FASTKD1: variants seen among roughly 807,000 people sequenced by gnomAD.
The protein encoded by FASTKD1 is FAST kinase domain-containing protein 1, mitochondrial.
A neutral mutation model predicts 90.9 loss-of-function variants in FASTKD1; 94 were observed. That is an observed-to-expected ratio of 1.03 (90% CI 0.88 to 1.23). The LOEUF (loss-of-function observed/expected upper bound fraction) is 1.23. Among genes scored for constraint, FASTKD1 ranks in the 50% most tolerant of loss-of-function variants. The pLI is 0.00. For synonymous variants in FASTKD1, 319 were observed against 345.8 expected (o/e 0.92, Z 0.86); for missense variants, 945 against 993.5 (o/e 0.95, Z 0.66).
Position 169,560,281 on chromosome 2 carries a change from A to G in FASTKD1, c.971+106T>C, listed in dbSNP as rs557753912. On this transcript the variant is annotated intron_variant, in intron 5 of 14. Transcript: ENST00000453153. ...ATAAGAGATTATTTTCCCTTCCACA[A>G]CCTAATAGGGTGATATTTGTACCTT... The G allele has an allele frequency of 3.9e-5, 32 of 816,204 alleles. No individual in the cohort carries two copies. The East Asian group carries it at 7.8e-4, about 20-fold the overall frequency. 50.6% of individuals were successfully genotyped at this position (816,204 alleles called of 1,614,324 possible).
intron 3 of FASTKD1, among the ~76,000 whole-genome samples, chr2:169,566,544 T>C (rs2105434284): frequency 6.6e-6 from 1 of 152,116 alleles, no homozygotes; most frequent in South Asian, 2.1e-4. Context: ...AAATCCCATC[T>C]CTACTAAAAA....
At chr2:169,549,300 G>A (rs566208605) in intron 7 of FASTKD1, among the ~76,000 whole-genome samples, 208 of 151,950 alleles carry the variant, frequency 1.4e-3, no homozygotes, top group Middle Eastern at 3.4e-3. Flanking sequence ...CTACTCGGGC[G>A]GCTGAGGCAG....
Position 169,540,117 on chromosome 2 carries a change from G to A in FASTKD1, c.1879C>T (p.Pro627Ser), listed in dbSNP as rs769922497. 5.6e-6 allele frequency: 9 copies of A among 1,609,606 alleles called. No homozygotes were observed. Among genetic ancestry groups the A allele is most frequent in the Non-Finnish European group, 6.8e-6 (8 of 1,177,632 alleles). ...AAAATTGCCTTTAGCAGATCTTCTG[G>A]AAAATATTCAAGTGTGGCCAAAGAG... ...GFSLATLEYF[P>S]EDLLKAIFNI... Residue 627 changes from proline to serine, a missense_variant, in exon 10 of 15, where the codon CCA becomes TCA. Physicochemically the swap from Pro to Ser is moderately conservative, Grantham distance 74 (BLOSUM62 -1). Transcript: ENST00000453153.
intron 2 of FASTKD1, 26 bp from the exon 3 acceptor site, chr2:169,569,278 A>T (rs1417344790): frequency 1.3e-6 from 2 of 1,597,198 alleles, no homozygotes; most frequent in Non-Finnish European, 1.7e-6. Context: ...AGAATCCTCC[A>T]TACATAATCA....
chr2:169,564,952 C>CTTTTTTTTTTTTTTTTTTTTTTTTTTTT (rs557658819), intron 3 of FASTKD1, among the ~76,000 whole-genome samples: 1 of 109,014 alleles, frequency 9.2e-6, no homozygotes, highest in African/African-American at 3.2e-5. Context: ...CCACATTTTT[C>CTTTTTTTTTTTTTTTTTTTTTTTTTTTT]TTTTTTTTTT....
At chr2:169,564,952 C>CTTT (rs557658819) in intron 3 of FASTKD1, among the ~76,000 whole-genome samples, 7 of 109,010 alleles carry the variant, frequency 6.4e-5, no homozygotes, top group African/African-American at 6.4e-5. Context: ...CCACATTTTT[C>CTTT]TTTTTTTTTT....
At chr2:169,545,105 C>T (rs1253195086) in intron 8 of FASTKD1, among the ~76,000 whole-genome samples, 1 of 152,112 alleles carries the variant, frequency 6.6e-6, no homozygotes, top group Non-Finnish European at 1.5e-5. Context: ...TCTGTTCTGG[C>T]TGGGAGTGGT....
At chr2:169,569,610 G>A (rs1684142546) in intron 2 of FASTKD1, among the ~76,000 whole-genome samples, 1 of 152,156 alleles carries the variant, frequency 6.6e-6, no homozygotes, top group South Asian at 2.1e-4. Flanking sequence ...CAGCACTTTA[G>A]CAGGCTGAGG....
intron 8 of FASTKD1, among the ~76,000 whole-genome samples, chr2:169,545,452 G>A (rs1685149447): frequency 1.3e-5 from 2 of 151,994 alleles, no homozygotes; most frequent in South Asian, 4.1e-4. Flanking sequence ...ACTATACTAA[G>A]CAAGTTAAGA....
At chr2:169,564,208 C>G (rs896002064) in intron 3 of FASTKD1, among the ~76,000 whole-genome samples, 1 of 151,948 alleles carries the variant, frequency 6.6e-6, no homozygotes, top group Non-Finnish European at 1.5e-5. Context: ...TAATTGTGAA[C>G]CTTACTCAGA....
Position 169,541,660 on chromosome 2 carries a change from A to C in FASTKD1, c.1817-1481T>G, listed in dbSNP as rs144430017. Among the ~76,000 whole-genome samples the C allele has an allele frequency of 2.0e-5, 3 of 152,348 alleles. No homozygotes were observed. The East Asian group carries it at 5.8e-4, about 29-fold the overall frequency. On this transcript the variant is annotated intron_variant, in intron 9 of 14. Coordinates refer to ENST00000453153, the MANE Select transcript of FASTKD1 (RefSeq NM_024622.6). ...CAATTAATATATTTATACTTGCTTCATACCAGCTTCACCAGAGGTCTAAAG... is the reference window on the plus strand; with the variant it reads ...CAATTAATATATTTATACTTGCTTCCTACCAGCTTCACCAGAGGTCTAAAG...
chr2:169,568,723 G>A (rs1231874657), intron 3 of FASTKD1, among the ~76,000 whole-genome samples: 1 of 151,352 alleles, frequency 6.6e-6, no homozygotes, highest in Non-Finnish European at 1.5e-5. Context: ...AGACATGGCT[G>A]GGAGCGGTGG....
At chr2:169,540,025 A>T in intron 10 of FASTKD1, 26 bp downstream of exon 10, 1 of 1,401,662 alleles carries the variant, frequency 7.1e-7, no homozygotes, top group Non-Finnish European at 9.9e-7. Flanking sequence ...ACAGATAATT[A>T]AATAAATTAA....
chr2:169,547,288 G>A (rs759192941), intron 7 of FASTKD1, among the ~76,000 whole-genome samples: 3 of 152,188 alleles, frequency 2.0e-5, no homozygotes, highest in African/African-American at 2.4e-5. Flanking sequence ...GAACCTCCAC[G>A]TGTTCGGCTA....
Position 169,529,981 on chromosome 2 carries a change from T to C in FASTKD1, c.2443-55A>G, listed in dbSNP as rs1684410569. 1.4e-5 allele frequency: 18 copies of C among 1,250,414 alleles called. No individual in the cohort carries two copies. In the South Asian group the frequency reaches 2.2e-4, roughly 15 times the overall value. The allele number at this position is 1,250,414 out of a possible 1,614,324, so 77.5% of individuals were successfully genotyped here. A position where few individuals can be genotyped will look rare whatever the true frequency, so the allele number is the denominator to read the frequency against. On this transcript the variant is annotated intron_variant, in intron 14 of 14. Coordinates refer to ENST00000453153, the MANE Select transcript of FASTKD1 (RefSeq NM_024622.6). ...AGTTTTAAAGCAACAACAAAAAACA[T>C]TGAGGAAGACATATAAGCACTACTG... is the stretch of plus-strand genomic sequence containing the variant.
intron 3 of FASTKD1, among the ~76,000 whole-genome samples, chr2:169,568,654 AAAGAG>A: frequency 7.0e-6 from 1 of 142,028 alleles, no homozygotes; most frequent in Non-Finnish European, 1.5e-5. Context: ...AAAAAAAAAA[AAAGAG>A]AGACAGAAAA....
chr2:169,541,904 A>G (rs975501914), intron 9 of FASTKD1, among the ~76,000 whole-genome samples: 1 of 152,118 alleles, frequency 6.6e-6, no homozygotes, highest in African/African-American at 2.4e-5. Context: ...CCTGGAAAAA[A>G]ACCAAACATG....
At position 169,546,459 on chromosome 2, in the gene FASTKD1, C is replaced by G. The variant is rs146044638; in HGVS notation, c.1460G>C (p.Gly487Ala). Reference sequence around the variant, plus strand: ...GTTGCTGTGTTGTAGTCTCTGACGACCATAGTGATCTAATTTTTGAAGTAG... The same window carrying G: ...GTTGCTGTGTTGTAGTCTCTGACGAGCATAGTGATCTAATTTTTGAAGTAG... Reference protein sequence around the residue: ...LKLLQKLDHYGRQRLQHSNSL... With the variant: ...LKLLQKLDHYARQRLQHSNSL... Residue 487 changes from glycine to alanine, a missense_variant, in exon 8 of 15, where the codon GGT becomes GCT. Transcript: ENST00000453153. 1 of 1,614,126 alleles carries G rather than the reference C, an allele frequency of 6.2e-7. No homozygotes were observed. Among genetic ancestry groups the G allele is most frequent in the Non-Finnish European group, 8.5e-7 (1 of 1,180,028 alleles).
chr2:169,569,741 C>T (rs976584081), intron 2 of FASTKD1, among the ~76,000 whole-genome samples: 1 of 152,092 alleles, frequency 6.6e-6, no homozygotes, highest in African/African-American at 2.4e-5. Context: ...ATCCCAGCTA[C>T]TCAGGAGGCT....
Sources: gnomAD v4.1 joint callset for allele counts (sites outside exome capture counted in the v4.1 genomes callset) on GRCh38, gnomAD v4.1.1 for gene constraint, MANE v1.5 for transcripts, NCBI Gene and HGNC (gene_info 2026-07-23, HGNC 2026-07-21) for gene names.